Variants in TRIM67 observed in about 807,000 individuals in gnomAD.
TRIM67 encodes the protein tripartite motif-containing protein 67.
TRIM67 carries 39 observed loss-of-function variants against 71.0 expected under a neutral mutation model. The observed-to-expected ratio is 0.55, with a 90% CI of 0.43 to 0.72. TRIM67 has a LOEUF of 0.72. Among genes scored for constraint, TRIM67 ranks in the 30% least tolerant of loss-of-function variants. The pLI is 0.00. For synonymous variants in TRIM67, 481 were observed against 473.9 expected, an observed-to-expected ratio of 1.01 and a Z score of -0.19; for missense variants, 973 against 1,079.2, an observed-to-expected ratio of 0.90 and a Z score of 1.38.
At chr1:231,201,968 G>C (rs1460277280) in intron 5 of TRIM67, among the ~76,000 whole-genome samples, 1 of 152,234 alleles carries the variant, frequency 6.6e-6, no homozygotes, top group Non-Finnish European at 1.5e-5. Context: ...ATCAGAGGAA[G>C]GGCCAGCAGT....
At chr1:231,189,737 G>A (rs2102737853) in intron 1 of TRIM67, among the ~76,000 whole-genome samples, 1 of 152,074 alleles carries the variant, frequency 6.6e-6, no homozygotes, top group African/African-American at 2.4e-5. Context: ...CCTTCATGAG[G>A]GCTCCACCCT....
rs759158551 is a variant in TRIM67, at chr1:231,217,108, AC to A, written c.*1675del. 5.3e-5 allele frequency: 52 copies of A among 984,564 alleles called. No individual in the cohort carries two copies. In the Middle Eastern group the frequency reaches 1.6e-3, roughly 30 times the overall value. The allele number at this position is 984,564 out of a possible 1,614,324, so 61.0% of individuals were successfully genotyped here. ...AACTGCCTGCCGGAGCCATGCAGGT[AC>A]CCCCCCTCCACTCAGCAGGCCCGAC... On this transcript the variant is annotated 3_prime_UTR_variant, in exon 10 of 10. Coordinates refer to ENST00000366653, the MANE Select transcript of TRIM67 (RefSeq NM_001004342.5).
chr1:231,213,720 G>C, intron 8 of TRIM67, 95 bp from the exon 9 acceptor site: 1 of 1,426,682 alleles, frequency 7.0e-7, no homozygotes, highest in East Asian at 2.4e-5. Flanking sequence ...GACAGAGTGA[G>C]ACCGTGTCTC....
chr1:231,206,627 G>A (rs2102757724), intron 6 of TRIM67, 25 bp from the exon 7 acceptor site: 6 of 1,545,816 alleles, frequency 3.9e-6, no homozygotes, highest in Middle Eastern at 1.7e-4. Context: ...AGAGGAGCCT[G>A]GTGAGCAGCA....
chr1:231,190,222 G>C (rs545231877), intron 1 of TRIM67, among the ~76,000 whole-genome samples: 1 of 152,180 alleles, frequency 6.6e-6, no homozygotes, highest in Non-Finnish European at 1.5e-5. Flanking sequence ...CCTTCAAAGA[G>C]ATCTAGTCTG....
chr1:231,219,274 C>A lies in TRIM67; in HGVS notation c.*3834C>A. On this transcript the variant is annotated 3_prime_UTR_variant, in exon 10 of 10. Transcript: ENST00000366653. ...GTCTCTACCCATCATCTGCCAGTAG[C>A]AACCCCCAAGTTAGGTGTGACAACC... 1.0e-6 allele frequency: 1 copy of A among 978,010 alleles called. No individual in the cohort carries two copies. The highest frequency in any genetic ancestry group is 1.2e-6 in the Non-Finnish European group (1 of 822,930). 60.6% of individuals were successfully genotyped at this position (978,010 alleles called of 1,614,324 possible). A position where few individuals can be genotyped will look rare whatever the true frequency, so the allele number is the denominator to read the frequency against.
chr1:231,198,578 G>A (rs1261803314), intron 2 of TRIM67, among the ~76,000 whole-genome samples: 1 of 152,126 alleles, frequency 6.6e-6, no homozygotes, highest in Admixed American at 6.5e-5. Context: ...TGGGGACGGG[G>A]TTTCTCCATG....
At chr1:231,202,595 AG>A (rs1285826024) in intron 5 of TRIM67, among the ~76,000 whole-genome samples, 1 of 152,132 alleles carries the variant, frequency 6.6e-6, no homozygotes, top group Non-Finnish European at 1.5e-5. Flanking sequence ...GGGGAGGTAA[AG>A]CTCTTTGGTT....
intron 1 of TRIM67, among the ~76,000 whole-genome samples, chr1:231,189,975 A>C (rs1339670883): frequency 1.3e-5 from 2 of 152,194 alleles, no homozygotes; most frequent in African/African-American, 4.8e-5. Flanking sequence ...AGCCCTGCCC[A>C]TACCTTGATT....
chr1:231,191,141 G>A (rs1029019180), intron 1 of TRIM67, among the ~76,000 whole-genome samples: 2 of 152,192 alleles, frequency 1.3e-5, no homozygotes, highest in African/African-American at 2.4e-5. Context: ...AAAGCTCAGT[G>A]CAGCCTCAAA....
chr1:231,198,668 G>A (rs1683438599), intron 2 of TRIM67, among the ~76,000 whole-genome samples: 1 of 152,164 alleles, frequency 6.6e-6, no homozygotes, highest in African/African-American at 2.4e-5. Context: ...TTATAGGCAT[G>A]AGCTGCCGCG....
chr1:231,201,405 G>C lies in TRIM67; in HGVS notation c.1422G>C (p.Trp474Cys). The change falls in exon 5 of 10, where the codon TGG becomes TGC. Residue 474 changes from tryptophan (W) to cysteine (C), a missense_variant. Transcript: ENST00000366653. ...GCGTCCAGGTGTCTCAGGAGCAGTG[G>C]GTCAAAGGCGCCCTGGAGCCGAAAG... is the stretch of plus-strand genomic sequence containing the variant. Reference protein sequence around the residue: ...IKRVQVSQEQWVKGALEPKVS... With the variant: ...IKRVQVSQEQCVKGALEPKVS... The C allele has an allele frequency of 6.2e-7, 1 of 1,613,486 alleles. No homozygotes were observed. Among genetic ancestry groups the C allele is most frequent in the Non-Finnish European group, 8.5e-7 (1 of 1,179,716 alleles).
At position 231,219,046 on chromosome 1, in the gene TRIM67, C is replaced by G. The variant is rs1684080186; in HGVS notation, c.*3606C>G. ...TTTCGGCACCGGTGGGCAGGTGGTT[C>G]AGTGTCAAGGAGGCTGCTGCTGGTC... is the stretch of plus-strand genomic sequence containing the variant. On this transcript the variant is annotated 3_prime_UTR_variant, in exon 10 of 10. Coordinates refer to ENST00000366653, the MANE Select transcript of TRIM67 (RefSeq NM_001004342.5). 1.0e-6 allele frequency: 1 copy of G among 985,316 alleles called. No homozygotes were observed. Among genetic ancestry groups the G allele is most frequent in the African/African-American group, 1.7e-5 (1 of 57,206 alleles). 61.0% of individuals were successfully genotyped at this position (985,316 alleles called of 1,614,324 possible).
At chr1:231,197,286 T>C in intron 1 of TRIM67, 85 bp from the exon 2 acceptor site, 2 of 1,166,452 alleles carry the variant, frequency 1.7e-6, no homozygotes, top group Middle Eastern at 2.0e-4. Flanking sequence ...TCCCCTCTTA[T>C]AAACATAAGC....
chr1:231,167,011 G>C (rs1428889455), intron 1 of TRIM67, among the ~76,000 whole-genome samples: 1 of 152,200 alleles, frequency 6.6e-6, no homozygotes, highest in African/African-American at 2.4e-5. Context: ...ACATGCCACA[G>C]AATGTCAACA....
intron 1 of TRIM67, among the ~76,000 whole-genome samples, chr1:231,179,085 G>A (rs527533817): frequency 2.0e-5 from 3 of 152,302 alleles, no homozygotes; most frequent in African/African-American, 7.2e-5. Flanking sequence ...CCACAAGCTG[G>A]GTAGCTTAAA....
intron 2 of TRIM67, 148 bp from the exon 3 acceptor site, chr1:231,198,899 T>C (rs1683445104): frequency 7.7e-7 from 1 of 1,306,974 alleles, no homozygotes; most frequent in Admixed American, 2.1e-5. Context: ...TTAATTCATA[T>C]AAATATTGTC....
At position 231,163,743 on chromosome 1, in the gene TRIM67, G is replaced by GC. The variant is rs1682365799; in HGVS notation, c.776dup (p.Pro260AlafsTer48). On this transcript the variant is annotated frameshift_variant, in exon 1 of 10. Coordinates refer to ENST00000366653, the MANE Select transcript of TRIM67 (RefSeq NM_001004342.5). LOFTEE classifies it high-confidence loss of function. ...TGGTGCAGCCGCCGCCGCCGCCGCC[G>GC]CCGCCCGCCGAGGCAGCCTCCGGGC... 3 of 1,491,526 alleles carry GC rather than the reference G, an allele frequency of 2.0e-6. No individual in the cohort carries two copies. The highest frequency in any genetic ancestry group is 2.7e-6 in the Non-Finnish European group (3 of 1,121,170). 92.4% of individuals were successfully genotyped at this position (1,491,526 alleles called of 1,614,324 possible). A position where few individuals can be genotyped will look rare whatever the true frequency, so the allele number is the denominator to read the frequency against.
In TRIM67 at chr1:231,215,878, G is replaced by A. The variant is rs138652850; in HGVS notation, c.*438G>A. 270 of 997,202 alleles carry A rather than the reference G, an allele frequency of 2.7e-4. 1 individual carries two copies. In the African/African-American group the frequency reaches 4.0e-3, roughly 15 times the overall value. 61.8% of individuals were successfully genotyped at this position (997,202 alleles called of 1,614,324 possible). On this transcript the variant is annotated 3_prime_UTR_variant, in exon 10 of 10. Coordinates refer to ENST00000366653, the MANE Select transcript of TRIM67 (RefSeq NM_001004342.5). ...CCCACGCCCCGGGTGTTGGCCCTCC[G>A]TGGGGACCTTGCCTCCTCAGAGTCC...
Sources: allele counts gnomAD v4.1 joint callset (sites outside exome capture counted in the v4.1 genomes callset), GRCh38; gene constraint gnomAD v4.1.1; transcripts MANE v1.5; gene names NCBI Gene and HGNC (gene_info 2026-07-23, HGNC 2026-07-21).